LCMT1: variants seen among roughly 807,000 people sequenced by gnomAD.
LCMT1 encodes leucine carboxyl methyltransferase 1.
LCMT1 carries 32 observed loss-of-function variants against 47.7 expected under a neutral mutation model. That is an observed-to-expected ratio of 0.67 (90% CI 0.51 to 0.90). LCMT1 has a LOEUF of 0.90. Among genes scored for constraint, LCMT1 ranks in the 40% least tolerant of loss-of-function variants. LCMT1 has a pLI of 0.00. For missense variants in LCMT1, 375 were observed against 415.2 expected, an observed-to-expected ratio of 0.90 and a Z score of 0.84; for synonymous variants, 152 against 149.7, an observed-to-expected ratio of 1.02 and a Z score of -0.11.
chr16:25,143,832 A>G (rs1960767553), intron 4 of LCMT1: 1 of 152,256 alleles, frequency 6.6e-6, no homozygotes, highest in Non-Finnish European at 1.5e-5. Flanking sequence ...AATGAGTGGC[A>G]TCATGGAGAT....
rs767124405 is a variant in LCMT1, at chr16:25,178,125, C to T, written c.*102C>T. On this transcript the variant is annotated 3_prime_UTR_variant, in exon 11 of 11. Coordinates refer to ENST00000399069, the MANE Select transcript of LCMT1 (RefSeq NM_016309.3). ...GTGGGCGGGCCTCGTCCGCAGGTCT[C>T]ATCCCACACTCTTGAGAAGCCTTGG... 9 of 1,026,010 alleles carry T rather than the reference C, an allele frequency of 8.8e-6. No homozygotes were observed. In the South Asian group the frequency reaches 1.2e-4, roughly 14 times the overall value. The allele number at this position is 1,026,010 out of a possible 1,614,324, so 63.6% of individuals were successfully genotyped here.
intron 1 of LCMT1, among the ~76,000 whole-genome samples, chr16:25,117,655 C>T (rs965975341): frequency 3.3e-5 from 5 of 152,054 alleles, no homozygotes; most frequent in East Asian, 1.9e-4. Flanking sequence ...AAGTTTGAGA[C>T]CAACCTGGCC....
chr16:25,120,731 G>GTTTTTTTTTTTTTTTTTTTT (rs1434579218), intron 1 of LCMT1, among the ~76,000 whole-genome samples: 1 of 132,404 alleles, frequency 7.6e-6, no homozygotes, highest in Admixed American at 7.5e-5. Flanking sequence ...ACCTGGCCTT[G>GTTTTTTTTTTTTTTTTTTTT]TTTTTTTGTT....
rs530764413 is a variant in LCMT1, at chr16:25,120,125, A to C, written c.113+8129A>C. ...CAGTGAGCCAAGATCACACCACTGCACTCCAGCCTGGGCGACAGAGCGAGA... is the reference window on the plus strand; with the variant it reads ...CAGTGAGCCAAGATCACACCACTGCCCTCCAGCCTGGGCGACAGAGCGAGA... On this transcript the variant is annotated intron_variant, in intron 1 of 10. Transcript: ENST00000399069. Among the ~76,000 whole-genome samples, 25 of 151,570 alleles carry C rather than the reference A, an allele frequency of 1.6e-4. 1 individual carries two copies. The East Asian group carries it at 4.3e-3, about 26-fold the overall frequency.
At chr16:25,155,655 C>G (rs1290187362) in intron 5 of LCMT1, among the ~76,000 whole-genome samples, 1 of 150,136 alleles carries the variant, frequency 6.7e-6, no homozygotes, top group African/African-American at 2.4e-5. Context: ...CCTGATTTTA[C>G]TTTCTTTTCT....
At position 25,175,309 on chromosome 16, in the gene LCMT1, C is replaced by G. The variant is rs1251543386; in HGVS notation, c.982+275C>G. 3.9e-5 allele frequency among the ~76,000 whole-genome samples: 6 copies of G among 152,112 alleles called. No individual in the cohort carries two copies. The East Asian group carries it at 1.2e-3, about 29-fold the overall frequency. On this transcript the variant is annotated intron_variant, in intron 10 of 10. Coordinates refer to ENST00000399069, the MANE Select transcript of LCMT1 (RefSeq NM_016309.3). ...TGGCTAATTTTCTGTAGAGGTCTCT[C>G]TAAGGCTGGTCTTGAATTCCTAGCC...
At chr16:25,123,981 T>C (rs1377158361) in intron 1 of LCMT1, among the ~76,000 whole-genome samples, 1 of 152,104 alleles carries the variant, frequency 6.6e-6, no homozygotes, top group Non-Finnish European at 1.5e-5. Flanking sequence ...GTAAATTGAG[T>C]CAGAGTTCCC....
chr16:25,119,182 G>C (rs1241657147), intron 1 of LCMT1, among the ~76,000 whole-genome samples: 1 of 152,160 alleles, frequency 6.6e-6, no homozygotes, highest in Non-Finnish European at 1.5e-5. Context: ...GAGTGGATGT[G>C]GGGCAAGACT....
chr16:25,147,867 T>G (rs903248045), intron 4 of LCMT1: 6 of 152,100 alleles, frequency 3.9e-5, no homozygotes, highest in African/African-American at 1.4e-4. Flanking sequence ...TTTTTCCTGT[T>G]TTTTGTAGAG....
chr16:25,144,180 T>C (rs1960782321), intron 4 of LCMT1: 1 of 152,254 alleles, frequency 6.6e-6, no homozygotes, highest in Non-Finnish European at 1.5e-5. Context: ...GGGGAATTTT[T>C]AACTGTTAAC....
Position 25,139,878 on chromosome 16 carries a change from C to T in LCMT1, c.328-293C>T, listed in dbSNP as rs150783308. On this transcript the variant is annotated intron_variant, in intron 3 of 10. Coordinates refer to ENST00000399069, the MANE Select transcript of LCMT1 (RefSeq NM_016309.3). ...CGGAGTATATTCTACTTCCAAAGCA[C>T]CTCTCAGCTCCTCCCCATCATCCCA... Among the ~76,000 whole-genome samples, 206 of 152,218 alleles carry T rather than the reference C, an allele frequency of 1.4e-3. 1 individual carries two copies. The highest frequency in any genetic ancestry group is 4.8e-3 in the African/African-American group (198 of 41,542).
chr16:25,175,353 G>A (rs1307042758), intron 10 of LCMT1, among the ~76,000 whole-genome samples: 3 of 152,018 alleles, frequency 2.0e-5, no homozygotes, highest in Non-Finnish European at 4.4e-5. Context: ...GCTGGGCGCG[G>A]GGTCTCACAC....
At chr16:25,136,124 T>TG (rs1379987297) in intron 3 of LCMT1, among the ~76,000 whole-genome samples, 2 of 146,430 alleles carry the variant, frequency 1.4e-5, no homozygotes, top group Admixed American at 1.4e-4. Context: ...AAAGGAATAA[T>TG]GGGTGAGTGA....
intron 1 of LCMT1, among the ~76,000 whole-genome samples, chr16:25,113,438 T>G (rs1477400943): frequency 1.3e-5 from 2 of 152,200 alleles, no homozygotes; most frequent in East Asian, 3.8e-4. Context: ...ATTACTAAAC[T>G]TTTCTGTGGC....
At chr16:25,114,749 C>T (rs950366380) in intron 1 of LCMT1, among the ~76,000 whole-genome samples, 3 of 152,200 alleles carry the variant, frequency 2.0e-5, no homozygotes, top group Non-Finnish European at 4.4e-5. Flanking sequence ...TTGAAGCCCT[C>T]TCCCGTGGCT....
chr16:25,166,005 C>T (rs772651686), intron 7 of LCMT1, among the ~76,000 whole-genome samples: 27 of 151,948 alleles, frequency 1.8e-4, no homozygotes, highest in Non-Finnish European at 2.9e-4. Flanking sequence ...CGGTGGCTCA[C>T]GCCTGTGATC....
At chr16:25,168,643 A>C (rs1173664633) in intron 7 of LCMT1, among the ~76,000 whole-genome samples, 1 of 152,176 alleles carries the variant, frequency 6.6e-6, no homozygotes, top group African/African-American at 2.4e-5. Flanking sequence ...AGATGGGCTC[A>C]TACTATCCAT....
At chr16:25,141,039 TG>T (rs1296796073) in intron 4 of LCMT1, 1 of 151,760 alleles carries the variant, frequency 6.6e-6, no homozygotes, top group Non-Finnish European at 1.5e-5. Context: ...CTTTAGGGGG[TG>T]GGGAAATCTC....
At chr16:25,132,671 A>C (rs915551606) in intron 3 of LCMT1, 148 bp downstream of exon 3, 1 of 735,332 alleles carries the variant, frequency 1.4e-6, no homozygotes, top group Non-Finnish European at 2.1e-6. Flanking sequence ...TGCCCCTACG[A>C]CTCTCAGTCC....
Sources: gnomAD v4.1 joint callset for allele counts (sites outside exome capture counted in the v4.1 genomes callset) on GRCh38, gnomAD v4.1.1 for gene constraint, MANE v1.5 for transcripts, NCBI Gene and HGNC (gene_info 2026-07-23, HGNC 2026-07-21) for gene names.